Variants in TMEM117 observed in about 807,000 individuals in gnomAD.
The protein encoded by TMEM117 is transmembrane protein 117.
A neutral mutation model predicts 52.4 loss-of-function variants in TMEM117; 27 were observed. The observed-to-expected ratio is 0.51, with a 90% CI of 0.38 to 0.71. The LOEUF is 0.71. TMEM117 is among the 30% of genes least tolerant of loss of function. TMEM117 has a pLI of 0.00. For synonymous variants in TMEM117, 215 were observed against 206.3 expected, an observed-to-expected ratio of 1.04 and a Z score of -0.36; for missense variants, 556 against 630.5, an observed-to-expected ratio of 0.88 and a Z score of 1.26.
intron 3 of TMEM117, among the ~76,000 whole-genome samples, chr12:44,065,945 A>G (rs1947215693): frequency 6.6e-6 from 1 of 152,248 alleles, no homozygotes; most frequent in Non-Finnish European, 1.5e-5. Flanking sequence ...TAAATTTAGC[A>G]GAGTTTAATT....
At chr12:44,351,255 T>A (rs1565744435) in intron 6 of TMEM117, among the ~76,000 whole-genome samples, 1 of 152,054 alleles carries the variant, frequency 6.6e-6, no homozygotes, top group African/African-American at 2.4e-5. Context: ...TTTTGGTTAT[T>A]AATCCCTTGT....
chr12:44,241,053 T>G (rs1950055547), intron 5 of TMEM117, among the ~76,000 whole-genome samples: 1 of 152,024 alleles, frequency 6.6e-6, no homozygotes, highest in South Asian at 2.1e-4. Flanking sequence ...AATGATCAAG[T>G]CCCTTGTATA....
intron 2 of TMEM117, among the ~76,000 whole-genome samples, chr12:43,869,009 T>A (rs1943658815): frequency 1.3e-5 from 2 of 152,100 alleles, no homozygotes; most frequent in Non-Finnish European, 2.9e-5. Flanking sequence ...GAATTAAAGA[T>A]GGAATTTCAT....
intron 3 of TMEM117, among the ~76,000 whole-genome samples, chr12:43,965,791 G>C (rs967521044): frequency 1.3e-5 from 2 of 152,106 alleles, no homozygotes; most frequent in African/African-American, 2.4e-5. Context: ...TACATGTGCG[G>C]GTTTGTTACA....
At chr12:43,877,362 G>T (rs1016546142) in intron 2 of TMEM117, among the ~76,000 whole-genome samples, 1 of 152,014 alleles carries the variant, frequency 6.6e-6, no homozygotes, top group East Asian at 1.9e-4. Flanking sequence ...GACTGGGTGC[G>T]GTGGCTCACG....
intron 3 of TMEM117, among the ~76,000 whole-genome samples, chr12:43,967,905 A>G (rs1370281020): frequency 6.6e-6 from 1 of 152,264 alleles, no homozygotes; most frequent in East Asian, 1.9e-4. Context: ...GGACACGCAC[A>G]CATACACAGA....
At chr12:43,833,296 C>T (rs1294114911), upstream of TMEM117, among the ~76,000 whole-genome samples, 2 of 152,200 alleles carry the variant, frequency 1.3e-5, no homozygotes, top group African/African-American at 4.8e-5. Flanking sequence ...TTTTAGTAGA[C>T]ACTCATGTAG....
At chr12:44,024,081 G>A (rs1946495038) in intron 3 of TMEM117, among the ~76,000 whole-genome samples, 3 of 152,146 alleles carry the variant, frequency 2.0e-5, no homozygotes, top group Admixed American at 6.5e-5. Context: ...AGACTAACAT[G>A]GTAACGTGAG....
chr12:44,286,410 A>G (rs1043150594), intron 5 of TMEM117, among the ~76,000 whole-genome samples: 5 of 151,954 alleles, frequency 3.3e-5, no homozygotes, highest in African/African-American at 1.2e-4. Context: ...TTTGGCAATC[A>G]GCTTATATTA....
intron 3 of TMEM117, among the ~76,000 whole-genome samples, chr12:44,024,858 GTA>G (rs1441585401): frequency 6.6e-6 from 1 of 151,900 alleles, no homozygotes; most frequent in Non-Finnish European, 1.5e-5. Flanking sequence ...ATTTGTGTTT[GTA>G]TATATGTGTG....
intron 3 of TMEM117, among the ~76,000 whole-genome samples, chr12:43,995,929 A>G (rs184511207): frequency 6.6e-6 from 1 of 152,242 alleles, no homozygotes; most frequent in Non-Finnish European, 1.5e-5. Context: ...GACAACTTTC[A>G]CAATTACTGT....
At chr12:44,291,176 T>TA (rs1950698814) in intron 5 of TMEM117, among the ~76,000 whole-genome samples, 2 of 152,222 alleles carry the variant, frequency 1.3e-5, no homozygotes, top group South Asian at 4.2e-4. Flanking sequence ...ATCAACATCT[T>TA]ACAATTTTCA....
chr12:44,325,239 T>A (rs1003526750), intron 6 of TMEM117, among the ~76,000 whole-genome samples: 4 of 152,164 alleles, frequency 2.6e-5, no homozygotes, highest in Non-Finnish European at 2.9e-5. Context: ...TCAGGGGACC[T>A]GAGATTTAAA....
chr12:44,392,189 A>G (rs990215543), downstream of TMEM117, among the ~76,000 whole-genome samples: 8 of 152,212 alleles, frequency 5.3e-5, no homozygotes, highest in African/African-American at 1.2e-4. Context: ...GTTTAGATGT[A>G]GTATTTATAA....
intron 3 of TMEM117, among the ~76,000 whole-genome samples, chr12:44,057,259 A>G (rs1260008399): frequency 6.6e-6 from 1 of 152,156 alleles, no homozygotes; most frequent in Admixed American, 6.6e-5. Context: ...TGTCTTGATC[A>G]CCTACTATGT....
At chr12:43,814,045 G>A in the TMEM117 span, among the ~76,000 whole-genome samples, 1 of 152,106 alleles carries the variant, frequency 6.6e-6, no homozygotes, top group African/African-American at 2.4e-5. Flanking sequence ...ATGGACTAAC[G>A]TGTTGAAAAG....
At chr12:44,261,411 T>A (rs1950319232) in intron 5 of TMEM117, among the ~76,000 whole-genome samples, 1 of 152,214 alleles carries the variant, frequency 6.6e-6, no homozygotes, top group Non-Finnish European at 1.5e-5. Flanking sequence ...GCAAAACAAT[T>A]CTGAAATTTT....
At chr12:43,883,588 T>G (rs569426322) in intron 2 of TMEM117, among the ~76,000 whole-genome samples, 1 of 152,088 alleles carries the variant, frequency 6.6e-6, no homozygotes. Flanking sequence ...TTATGAGTGG[T>G]TATAAGGGAA....
At chr12:44,285,075 G>A (rs1297031942) in intron 5 of TMEM117, among the ~76,000 whole-genome samples, 1 of 152,072 alleles carries the variant, frequency 6.6e-6, no homozygotes. Context: ...AGAACTCCAG[G>A]GGACTTTATT....
Sources: gnomAD v4.1 joint callset for allele counts (sites outside exome capture counted in the v4.1 genomes callset) on GRCh38, gnomAD v4.1.1 for gene constraint, MANE v1.5 for transcripts, NCBI Gene and HGNC (gene_info 2026-07-23, HGNC 2026-07-21) for gene names.